The following KLHL3 variants were observed in gnomAD, a reference collection of about 807,000 sequenced individuals.
KLHL3 encodes the protein kelch-like protein 3.
In KLHL3, 19 loss-of-function variants were observed where a neutral mutation model predicts 70.5. The observed-to-expected ratio is 0.27, with a 90% confidence interval of 0.19 to 0.40. KLHL3 has a LOEUF of 0.40. Among genes scored for constraint, KLHL3 ranks in the 10% least tolerant of loss-of-function variants. The pLI is 1.00. For missense variants in KLHL3, 512 were observed against 771.1 expected, an observed-to-expected ratio of 0.66 and a Z score of 3.98; for synonymous variants, 258 against 290.3, an observed-to-expected ratio of 0.89 and a Z score of 1.13.
At chr5:137,638,508 C>T (rs546168540) in intron 10 of KLHL3, among the ~76,000 whole-genome samples, 19 of 152,256 alleles carry the variant, frequency 1.2e-4, no homozygotes, top group African/African-American at 4.3e-4. Flanking sequence ...CCTGGCAAAG[C>T]TTCAGTAGGG....
intron 7 of KLHL3, among the ~76,000 whole-genome samples, chr5:137,658,920 A>G (rs532058466): frequency 6.6e-6 from 1 of 152,348 alleles, no homozygotes; most frequent in East Asian, 1.9e-4. Flanking sequence ...CTAGGACTCC[A>G]TCTAAGCTGG....
intron 3 of KLHL3, 74 bp from the exon 4 acceptor site, chr5:137,698,482 G>T (rs1483192615): frequency 5.8e-6 from 9 of 1,558,978 alleles, no homozygotes; most frequent in Admixed American, 3.4e-5. Context: ...ATGGTCTCCT[G>T]CCCTGTCTTG....
At chr5:137,702,572 C>T (rs1166344071) in intron 3 of KLHL3, among the ~76,000 whole-genome samples, 1 of 152,134 alleles carries the variant, frequency 6.6e-6, no homozygotes, top group Non-Finnish European at 1.5e-5. Context: ...TAGACTTCAT[C>T]CTAAGGGCAA....
At chr5:137,689,907 G>C (rs1479983836) in intron 5 of KLHL3, among the ~76,000 whole-genome samples, 1 of 152,228 alleles carries the variant, frequency 6.6e-6, no homozygotes, top group Admixed American at 6.5e-5. Context: ...TGTGCTAGGT[G>C]TACACACACA....
intron 1 of KLHL3, among the ~76,000 whole-genome samples, chr5:137,733,851 A>G (rs943200896): frequency 1.3e-5 from 2 of 152,174 alleles, no homozygotes; most frequent in East Asian, 3.8e-4. Flanking sequence ...AGTTCAGAAG[A>G]CTTGAACGCG....
At chr5:137,714,392 C>T (rs1395964078) in intron 2 of KLHL3, among the ~76,000 whole-genome samples, 2 of 152,010 alleles carry the variant, frequency 1.3e-5, no homozygotes, top group South Asian at 2.1e-4. Context: ...ATGTTCATAG[C>T]AACATTATTT....
chr5:137,626,026 G>C, intron 13 of KLHL3, 130 bp from the exon 14 acceptor site: 1 of 1,120,058 alleles, frequency 8.9e-7, no homozygotes, highest in Non-Finnish European at 1.3e-6. Context: ...ACAGAGATTT[G>C]GCTCCACAGG....
At chr5:137,733,000 T>C (rs1034907389) in intron 1 of KLHL3, among the ~76,000 whole-genome samples, 1 of 152,206 alleles carries the variant, frequency 6.6e-6, no homozygotes, top group Non-Finnish European at 1.5e-5. Context: ...AGTATTTTCA[T>C]ACCCTCATGG....
chr5:137,658,327 A>T, intron 7 of KLHL3, 47 bp from the exon 8 acceptor site: 2 of 1,595,758 alleles, frequency 1.3e-6, no homozygotes, highest in Non-Finnish European at 1.7e-6. Context: ...GCTCAGCCAC[A>T]TTTCCCAAGC....
chr5:137,706,931 G>T (rs939770940), intron 3 of KLHL3, among the ~76,000 whole-genome samples: 2 of 152,138 alleles, frequency 1.3e-5, no homozygotes, highest in Admixed American at 6.5e-5. Flanking sequence ...GTAATAAGAT[G>T]AGTAGTAATA....
chr5:137,635,090 C>T lies in KLHL3; in HGVS notation c.1322-925G>A, dbSNP rs768918989. On this transcript the variant is annotated intron_variant, in intron 11 of 14. Coordinates refer to ENST00000309755, the MANE Select transcript of KLHL3 (RefSeq NM_017415.3). The stretch of plus-strand genomic sequence containing the variant: ...TCAGTAGATTTTTTGGTCACATGTG[C>T]TTTCTTGATGGACAGACACCAAGAA... Among the ~76,000 whole-genome samples, 55 of 152,164 alleles carry T rather than the reference C, an allele frequency of 3.6e-4. 1 individual carries two copies. Among genetic ancestry groups the T allele is most frequent in the Admixed American group, 2.6e-4 (4 of 15,284 alleles).
intron 6 of KLHL3, among the ~76,000 whole-genome samples, chr5:137,673,336 C>A (rs1427004739): frequency 6.6e-6 from 1 of 152,154 alleles, no homozygotes; most frequent in East Asian, 1.9e-4. Context: ...TCAATAAACC[C>A]TATGTCTTGT....
chr5:137,638,594 G>A (rs1037803068), intron 10 of KLHL3, among the ~76,000 whole-genome samples: 15 of 152,182 alleles, frequency 9.9e-5, no homozygotes, highest in African/African-American at 3.6e-4. Context: ...CCAAGTGCTG[G>A]ACTCAGCTCC....
At chr5:137,655,712 A>G (rs1308541288) in intron 8 of KLHL3, among the ~76,000 whole-genome samples, 1 of 152,216 alleles carries the variant, frequency 6.6e-6, no homozygotes, top group East Asian at 1.9e-4. Context: ...GGCCAGGCAC[A>G]GTGGCTCACA....
chr5:137,720,315 A>T, intron 2 of KLHL3, 150 bp downstream of exon 2: 12 of 840,350 alleles, frequency 1.4e-5, no homozygotes, highest in Non-Finnish European at 1.6e-5. Context: ...AAAAAAAAAG[A>T]GAGAAAGAAA....
At chr5:137,658,720 G>A (rs907090978) in intron 7 of KLHL3, among the ~76,000 whole-genome samples, 29 of 152,054 alleles carry the variant, frequency 1.9e-4, no homozygotes, top group African/African-American at 7.0e-4. Flanking sequence ...AAGAGGAAAG[G>A]GTGTGGGAGC....
chr5:137,695,040 C>A (rs1052465267), intron 4 of KLHL3, among the ~76,000 whole-genome samples: 2 of 152,168 alleles, frequency 1.3e-5, no homozygotes, highest in African/African-American at 4.8e-5. Context: ...TACGCATATA[C>A]AAGATCATGC....
intron 12 of KLHL3, among the ~76,000 whole-genome samples, chr5:137,632,140 G>A (rs1750653154): frequency 6.6e-6 from 1 of 152,042 alleles, no homozygotes; most frequent in African/African-American, 2.4e-5. Context: ...ATTCCTCATA[G>A]AATTAGAAAA....
rs1751915164 is a variant in KLHL3 at position 137,677,552 on chromosome 5, T to G, written c.629A>C (p.Glu210Ala). ...CAGTGAGCCATGTCATACCTTCTCTTCTGAAGAAACGGTCAGCTTGTCGCT... is the reference window on the plus strand; with the variant it reads ...CAGTGAGCCATGTCATACCTTCTCTGCTGAAGAAACGGTCAGCTTGTCGCT... Reference protein sequence around the residue: ...ISSDKLTVSSEEKVFEAVISW... With the variant: ...ISSDKLTVSSAEKVFEAVISW... The change falls in exon 6 of 15, where the codon GAA becomes GCA. Residue 210 changes from glutamate (E) to alanine (A), a missense_variant. Glu to Ala is a moderately radical substitution (Grantham distance 107, BLOSUM62 -1). Transcript: ENST00000309755. The G allele has an allele frequency of 6.3e-7, 1 of 1,597,186 alleles. No individual in the cohort carries two copies. The highest frequency in any genetic ancestry group is 8.5e-7 in the Non-Finnish European group (1 of 1,171,060).
Sources: gnomAD v4.1 joint callset for allele counts (sites outside exome capture counted in the v4.1 genomes callset) on GRCh38, gnomAD v4.1.1 for gene constraint, MANE v1.5 for transcripts, NCBI Gene and HGNC (gene_info 2026-07-23, HGNC 2026-07-21) for gene names.